LZTFL1: variants seen among roughly 807,000 people sequenced by gnomAD.
LZTFL1 encodes leucine zipper transcription factor like 1.
A neutral mutation model predicts 45.9 loss-of-function variants in LZTFL1; 25 were observed. That is an observed-to-expected ratio of 0.54 (90% CI 0.40 to 0.76). The LOEUF (loss-of-function observed/expected upper bound fraction) is 0.76. Ranked by LOEUF, LZTFL1 falls within the 30% of genes least tolerant of loss-of-function variation. The pLI, the probability that LZTFL1 is intolerant of heterozygous loss-of-function variation, is 0.00. For missense variants in LZTFL1, 277 were observed against 331.1 expected (o/e 0.84, Z 1.27); for synonymous variants, 93 against 117.4 (o/e 0.79, Z 1.35).
chr3:45,846,970 A>C (rs1306844042), upstream of LZTFL1, among the ~76,000 whole-genome samples: 2 of 152,220 alleles, frequency 1.3e-5, no homozygotes, highest in African/African-American at 4.8e-5. Context: ...TCATAAAAGA[A>C]GTCAAAATCA....
At position 45,893,511 on chromosome 3, in the gene LZTFL1, G is replaced by C. The variant is rs968004064; in HGVS notation, c.-215+19609C>G. Among the ~76,000 whole-genome samples the C allele has an allele frequency of 2.0e-5, 3 of 152,316 alleles. No individual in the cohort carries two copies. In the East Asian group the frequency reaches 5.8e-4, roughly 29 times the overall value. ...ACATCAGTGATTCTGCTTTCCGTCAGTATAGATTAGTTTGCATTATTTAGA... is the reference window on the plus strand; with the variant it reads ...ACATCAGTGATTCTGCTTTCCGTCACTATAGATTAGTTTGCATTATTTAGA... On this transcript the variant is annotated intron_variant, in intron 2 of 4. Transcript: ENST00000472635.
At chr3:45,897,564 C>G in intron 2 of LZTFL1, 1 of 1,534,834 alleles carries the variant, frequency 6.5e-7, no homozygotes. Context: ...CCTGCAGTCT[C>G]CTCCAGGCCC....
Position 45,826,076 on chromosome 3 carries a change from A to G in LZTFL1, c.*238T>C. On this transcript the variant is annotated 3_prime_UTR_variant, in exon 10 of 10. Coordinates refer to ENST00000296135, the MANE Select transcript of LZTFL1 (RefSeq NM_020347.4). ...CTTTGCTGTAAAGAATTCTCAGTGCATGTGAGCTAAGACTCTGGAGCACTC... is the reference window on the plus strand; with the variant it reads ...CTTTGCTGTAAAGAATTCTCAGTGCGTGTGAGCTAAGACTCTGGAGCACTC... 1 of 439,288 alleles carries G rather than the reference A, an allele frequency of 2.3e-6. No homozygotes were observed. The highest frequency in any genetic ancestry group is 4.0e-6 in the Non-Finnish European group (1 of 247,816). 27.2% of individuals were successfully genotyped at this position (439,288 alleles called of 1,614,324 possible).
At position 45,870,865 on chromosome 3, in the gene LZTFL1, T is replaced by C. The variant is rs185574132; in HGVS notation, c.-214-11849A>G. 4.6e-5 allele frequency among the ~76,000 whole-genome samples: 7 copies of C among 152,348 alleles called. No individual in the cohort carries two copies. The East Asian group carries it at 1.3e-3, about 29-fold the overall frequency. On this transcript the variant is annotated intron_variant, in intron 2 of 4. Coordinates refer to the LZTFL1 transcript ENST00000472635. The stretch of plus-strand genomic sequence containing the variant: ...ATTTGATATTAATCCTTCTAAAGGC[T>C]TTCTCTGCACTTAAAAACATGTATA...
intron 4 of LZTFL1, among the ~76,000 whole-genome samples, chr3:45,848,309 C>T (rs1701250679): frequency 1.3e-5 from 2 of 152,218 alleles, no homozygotes; most frequent in African/African-American, 4.8e-5. Flanking sequence ...TGGAGGGCAG[C>T]TGCAGCTGCA....
chr3:45,870,398 G>A (rs984796895), intron 2 of LZTFL1, among the ~76,000 whole-genome samples: 13 of 152,202 alleles, frequency 8.5e-5, no homozygotes, highest in African/African-American at 2.7e-4. Flanking sequence ...GACATCCTGA[G>A]GTGGTAGCAC....
chr3:45,842,099 G>T lies in LZTFL1; in HGVS notation c.-108C>A. The T allele has an allele frequency of 1.9e-6, 3 of 1,559,060 alleles. No individual in the cohort carries two copies. Among genetic ancestry groups the T allele is most frequent in the Non-Finnish European group, 2.6e-6 (3 of 1,155,704 alleles). On this transcript the variant is annotated 5_prime_UTR_variant, in exon 1 of 10. Coordinates refer to ENST00000296135, the MANE Select transcript of LZTFL1 (RefSeq NM_020347.4). ...GGACCACAGAAAATGGGGAAGGAGGGTAGGTTGTTTAGAAGCCTCTGGTTG... is the reference window on the plus strand; with the variant it reads ...GGACCACAGAAAATGGGGAAGGAGGTTAGGTTGTTTAGAAGCCTCTGGTTG...
intron 2 of LZTFL1, among the ~76,000 whole-genome samples, chr3:45,880,366 G>T (rs188397530): frequency 6.6e-6 from 1 of 152,054 alleles, no homozygotes; most frequent in Non-Finnish European, 1.5e-5. Context: ...GCTGGGCGTG[G>T]TGATGGGCAC....
At chr3:45,877,744 T>G (rs1455240072) in intron 2 of LZTFL1, among the ~76,000 whole-genome samples, 1 of 150,848 alleles carries the variant, frequency 6.6e-6, no homozygotes, top group East Asian at 1.9e-4. Flanking sequence ...TTTATTAGTT[T>G]TTTTTTTTTT....
chr3:45,835,820 A>G (rs774571060), intron 2 of LZTFL1, 36 bp from the exon 3 acceptor site: 1 of 1,491,562 alleles, frequency 6.7e-7, no homozygotes, highest in Non-Finnish European at 9.1e-7. Context: ...TTATAGAAAA[A>G]CAACAAGAAA....
At chr3:45,837,781 C>T in intron 2 of LZTFL1, 146 bp downstream of exon 2, 1 of 700,492 alleles carries the variant, frequency 1.4e-6, no homozygotes, top group Non-Finnish European at 2.2e-6. Flanking sequence ...TTCCTGTATC[C>T]ATGAGGCTTA....
chr3:45,881,118 C>G (rs912821138), intron 2 of LZTFL1, among the ~76,000 whole-genome samples: 19 of 152,210 alleles, frequency 1.2e-4, no homozygotes, highest in African/African-American at 4.6e-4. Context: ...GCTGCAAGCA[C>G]AAAACCTCAG....
chr3:45,848,865 G>A (rs927743576), intron 4 of LZTFL1, among the ~76,000 whole-genome samples: 3 of 152,008 alleles, frequency 2.0e-5, no homozygotes, highest in African/African-American at 4.8e-5. Context: ...ATTAAAATCC[G>A]AATTTTTTGA....
At chr3:45,897,951 G>T (rs1702413164) in intron 2 of LZTFL1, among the ~76,000 whole-genome samples, 1 of 130,558 alleles carries the variant, frequency 7.7e-6, no homozygotes, top group African/African-American at 2.8e-5. Flanking sequence ...AGGCTCATGT[G>T]AGAGTCTATT....
intron 3 of LZTFL1, among the ~76,000 whole-genome samples, chr3:45,857,211 T>G (rs1409991634): frequency 6.6e-6 from 1 of 152,236 alleles, no homozygotes; most frequent in African/African-American, 2.4e-5. Flanking sequence ...CAAGTTAATG[T>G]CCTTTGCAGG....
intron 5 of LZTFL1, chr3:45,832,705 G>A: frequency 5.6e-6 from 1 of 179,736 alleles, no homozygotes; most frequent in Non-Finnish European, 1.2e-5. Context: ...CTGACTATAG[G>A]CACGTACCAC....
rs140973274 is a variant in LZTFL1, at chr3:45,885,511, C to T, written c.-214-26495G>A. On this transcript the variant is annotated intron_variant, in intron 2 of 4. Transcript: ENST00000472635. ...GTGCAAAACCTTACTAGATTTGCCC[C>T]AATTTGAAGGTGTCTGTGGCTTTCC... Among the ~76,000 whole-genome samples, 261 of 152,144 alleles carry T rather than the reference C, an allele frequency of 1.7e-3. 2 individuals carry two copies. The highest frequency in any genetic ancestry group is 5.9e-3 in the African/African-American group (245 of 41,496).
chr3:45,889,714 A>G (rs900499969), intron 2 of LZTFL1, among the ~76,000 whole-genome samples: 1 of 151,658 alleles, frequency 6.6e-6, no homozygotes, highest in Non-Finnish European at 1.5e-5. Context: ...ATCACACAAC[A>G]TAAGTCTTCC....
chr3:45,845,195 G>C (rs1303080098), upstream of LZTFL1, among the ~76,000 whole-genome samples: 1 of 152,188 alleles, frequency 6.6e-6, no homozygotes, highest in Non-Finnish European at 1.5e-5. Flanking sequence ...ATATTCAGCA[G>C]CTGTTAATGG....
Sources: gnomAD v4.1 joint callset for allele counts (sites outside exome capture counted in the v4.1 genomes callset) on GRCh38, gnomAD v4.1.1 for gene constraint, MANE v1.5 for transcripts, NCBI Gene and HGNC (gene_info 2026-07-23, HGNC 2026-07-21) for gene names.